The following SLC41A2 variants were observed in gnomAD, a reference collection of about 807,000 sequenced individuals.
The protein encoded by SLC41A2 is SLC41A1-like 1.
Under a neutral mutation model 58.3 loss-of-function variants are expected in SLC41A2, and 32 were observed. The observed-to-expected ratio is 0.55, with a 90% CI of 0.41 to 0.74. The LOEUF (loss-of-function observed/expected upper bound fraction) is 0.74, where lower values mean the gene tolerates loss of function less well. Ranked by LOEUF, SLC41A2 falls within the 30% of genes least tolerant of loss-of-function variation. The probability of loss-of-function intolerance (pLI) is 0.00; values close to 1 mark genes in which losing one functional copy is unlikely to be tolerated. For synonymous variants in SLC41A2, 190 were observed against 235.0 expected, an observed-to-expected ratio of 0.81 and a Z score of 1.75; for missense variants, 514 against 680.6, an observed-to-expected ratio of 0.76 and a Z score of 2.72.
Position 104,912,418 on chromosome 12 carries a change from G to A in SLC41A2, c.556-2656C>T, listed in dbSNP as rs928580473. Among the ~76,000 whole-genome samples the A allele has an allele frequency of 3.3e-5, 5 of 152,248 alleles. No individual in the cohort carries two copies. The East Asian group carries it at 5.8e-4, about 18-fold the overall frequency. On this transcript the variant is annotated intron_variant, in intron 2 of 10. Coordinates refer to ENST00000258538, the MANE Select transcript of SLC41A2 (RefSeq NM_001352171.3). The stretch of plus-strand genomic sequence containing the variant: ...GGGACTGAAGGTTAAGTTGATCACC[G>A]ATGACCAGGGGTTTAATAATCATGC...
intron 10 of SLC41A2, among the ~76,000 whole-genome samples, chr12:104,825,371 G>T (rs2468104): frequency 0.64 from 96,602 of 151,944 alleles, 31,161 homozygotes; most frequent in African/African-American, 0.72. Flanking sequence ...AACAGATAGG[G>T]CGCTTCTCGC....
At chr12:104,894,329 G>T (rs1311578191) in intron 4 of SLC41A2, among the ~76,000 whole-genome samples, 2 of 150,634 alleles carry the variant, frequency 1.3e-5, no homozygotes, top group African/African-American at 4.9e-5. Context: ...CTCCACCCTG[G>T]GCAACAGAGC....
chr12:104,875,790 T>C (rs984343714), intron 6 of SLC41A2, among the ~76,000 whole-genome samples: 1 of 152,062 alleles, frequency 6.6e-6, no homozygotes, highest in African/African-American at 2.4e-5. Flanking sequence ...AAGACCCCCA[T>C]CTCTGAAAAT....
chr12:104,869,718 A>T (rs1023844494), intron 6 of SLC41A2, among the ~76,000 whole-genome samples: 1 of 152,300 alleles, frequency 6.6e-6, no homozygotes, highest in South Asian at 2.1e-4. Flanking sequence ...CTAACTTCTA[A>T]TCCAATTTTG....
chr12:104,928,373 T>A lies in SLC41A2; in HGVS notation c.155A>T (p.Lys52Ile). ...LLSMVPVIYQ[K>I]NQEDRHKKAN... ...TTTTTTGTGCCTGTCTTCTTGGTTT[T>A]TCTGGTAAATCACTGGAACCATACT... The change falls in exon 2 of 11, where the codon AAA becomes ATA. Residue 52 changes from lysine (K) to isoleucine (I), a missense_variant. Around this residue, in one of 3 missense-constraint regions of SLC41A2, gnomAD observed 336 missense variants for 430.0 expected, o/e 0.78. Coordinates refer to ENST00000258538, the MANE Select transcript of SLC41A2 (RefSeq NM_001352171.3). 1 of 1,594,462 alleles carries A rather than the reference T, an allele frequency of 6.3e-7. No homozygotes were observed. The highest frequency in any genetic ancestry group is 8.6e-7 in the Non-Finnish European group (1 of 1,168,728).
At chr12:104,867,631 C>T (rs763840288) in intron 6 of SLC41A2, among the ~76,000 whole-genome samples, 19 of 150,820 alleles carry the variant, frequency 1.3e-4, no homozygotes, top group Admixed American at 2.7e-4. Flanking sequence ...TTATTTTTTC[C>T]ATATCATGTA....
intron 7 of SLC41A2, 79 bp from the exon 8 acceptor site, chr12:104,861,449 C>T: frequency 1.4e-6 from 1 of 739,806 alleles, no homozygotes; most frequent in Non-Finnish European, 2.1e-6. Flanking sequence ...ACAGACACCC[C>T]TCCTTTTTAA....
chr12:104,873,085 A>G (rs1217917788), intron 6 of SLC41A2, among the ~76,000 whole-genome samples: 2 of 152,134 alleles, frequency 1.3e-5, no homozygotes, highest in South Asian at 2.1e-4. Context: ...TATAGTCCTC[A>G]TGTTGTACAT....
chr12:104,855,478 AC>A (rs1406888791), intron 8 of SLC41A2, among the ~76,000 whole-genome samples: 1 of 152,184 alleles, frequency 6.6e-6, no homozygotes, highest in Non-Finnish European at 1.5e-5. Flanking sequence ...GGTTTTACGT[AC>A]CCTTGAACGT....
chr12:104,942,834 G>C (rs1011381824), intron 1 of SLC41A2, among the ~76,000 whole-genome samples: 1 of 152,124 alleles, frequency 6.6e-6, no homozygotes, highest in African/African-American at 2.4e-5. Flanking sequence ...CACAGAGTCA[G>C]CTTATAAAAA....
intron 6 of SLC41A2, among the ~76,000 whole-genome samples, chr12:104,879,126 G>A (rs151028637): frequency 0.011 from 1,620 of 152,304 alleles, 37 homozygotes; most frequent in African/African-American, 0.036. Context: ...AAAAGTGTCT[G>A]TTCGTATCCT....
At chr12:104,912,705 G>A (rs148424595) in intron 2 of SLC41A2, among the ~76,000 whole-genome samples, 8 of 152,282 alleles carry the variant, frequency 5.3e-5, no homozygotes, top group East Asian at 1.9e-4. Context: ...GGAGATCACC[G>A]GAACCCCAGC....
At chr12:104,888,879 T>C (rs771048110) in intron 5 of SLC41A2, among the ~76,000 whole-genome samples, 154 bp downstream of exon 5, 1 of 152,130 alleles carries the variant, frequency 6.6e-6, no homozygotes, top group Non-Finnish European at 1.5e-5. Flanking sequence ...GAAATGTAAA[T>C]ATATCTGGAA....
chr12:104,958,355 G>A (rs2048256661), upstream of SLC41A2: 1 of 148,392 alleles, frequency 6.7e-6, no homozygotes, highest in South Asian at 2.1e-4. Flanking sequence ...CGGCAGCCCC[G>A]CGCAAGCGCA....
At chr12:104,853,965 G>T (rs1373082343) in intron 8 of SLC41A2, among the ~76,000 whole-genome samples, 1 of 117,538 alleles carries the variant, frequency 8.5e-6, no homozygotes, top group Non-Finnish European at 1.6e-5. Context: ...TCACTATGTT[G>T]CCTTGGCTGG....
chr12:104,880,356 AATAG>A (rs1171708319), intron 6 of SLC41A2, among the ~76,000 whole-genome samples: 5 of 152,154 alleles, frequency 3.3e-5, no homozygotes, highest in Admixed American at 6.5e-5. Flanking sequence ...CACTATGTTG[AATAG>A]GAGTGGTGAG....
intron 5 of SLC41A2, among the ~76,000 whole-genome samples, chr12:104,887,096 A>C (rs1176970853): frequency 6.6e-6 from 1 of 151,984 alleles, no homozygotes; most frequent in Admixed American, 6.5e-5. Context: ...AATTTTCTTA[A>C]ATTATACAAA....
intron 10 of SLC41A2, among the ~76,000 whole-genome samples, chr12:104,823,464 G>A (rs1355409237): frequency 6.6e-6 from 1 of 151,884 alleles, no homozygotes; most frequent in African/African-American, 2.4e-5. Flanking sequence ...TCTAGAAATA[G>A]ACCTGCATAT....
At chr12:104,811,679 GTATGTT>G in intron 10 of SLC41A2, among the ~76,000 whole-genome samples, 1 of 152,124 alleles carries the variant, frequency 6.6e-6, no homozygotes, top group East Asian at 1.9e-4. Context: ...ATTACTTCCT[GTATGTT>G]TATATTTCAT....
Sources: allele counts gnomAD v4.1 joint callset (sites outside exome capture counted in the v4.1 genomes callset), GRCh38; gene constraint gnomAD v4.1.1; regional missense constraint gnomAD v4.1.1; transcripts MANE v1.5; gene names NCBI Gene and HGNC (gene_info 2026-07-23, HGNC 2026-07-21).